Variants in FOXP1 observed in about 807,000 individuals in gnomAD.
The protein encoded by FOXP1 is forkhead box protein P1.
A neutral mutation model predicts 98.2 loss-of-function variants in FOXP1; 15 were observed. The observed-to-expected ratio is 0.15, with a 90% CI of 0.10 to 0.24. The LOEUF (loss-of-function observed/expected upper bound fraction) is 0.24. Ranked by LOEUF, FOXP1 falls within the 10% of genes least tolerant of loss-of-function variation. The probability of loss-of-function intolerance (pLI) is 1.00; values close to 1 mark genes in which losing one functional copy is unlikely to be tolerated. For missense variants in FOXP1, 633 were observed against 848.5 expected (o/e 0.75, Z 3.15); for synonymous variants, 371 against 314.5 (o/e 1.18, Z -1.90).
intron 5 of FOXP1, among the ~76,000 whole-genome samples, chr3:71,247,967 C>T (rs1319486022): frequency 2.0e-5 from 3 of 152,196 alleles, no homozygotes; most frequent in African/African-American, 7.2e-5. Context: ...ATGAATCGGG[C>T]TTGCCTCCAC....
chr3:71,581,255 T>A (rs1041500686), intron 2 of FOXP1: 35 of 984,426 alleles, frequency 3.6e-5, no homozygotes, highest in Non-Finnish European at 4.1e-5. Context: ...GGGAGTGGGG[T>A]GAGAAGGGGG....
chr3:71,429,829 T>C (rs541261284), intron 3 of FOXP1, among the ~76,000 whole-genome samples: 1 of 152,374 alleles, frequency 6.6e-6, no homozygotes, highest in African/African-American at 2.4e-5. Flanking sequence ...GTGGCTTTTT[T>C]CATTCACTTT....
Position 70,959,244 on chromosome 3 carries a change from T to C in FOXP1, c.*3A>G, listed in dbSNP as rs200060909. The stretch of plus-strand genomic sequence containing the variant: ...CATTCTCGGGGTTGGCCCGCCCCGA[T>C]AGTCACTCCATGTCCTCGTTTACTG... On this transcript the variant is annotated 3_prime_UTR_variant, in exon 21 of 21. Transcript: ENST00000649528. 8.1e-6 allele frequency: 13 copies of C among 1,613,748 alleles called. No individual in the cohort carries two copies. Among genetic ancestry groups the C allele is most frequent in the Middle Eastern group, 1.6e-4 (1 of 6,062 alleles).
At chr3:71,557,036 G>A (rs962938442) in intron 2 of FOXP1, among the ~76,000 whole-genome samples, 1 of 152,006 alleles carries the variant, frequency 6.6e-6, no homozygotes, top group Non-Finnish European at 1.5e-5. Flanking sequence ...AAAATGAGCA[G>A]GAAACAAAAC....
chr3:71,560,201 A>G lies in FOXP1; in HGVS notation c.-298+21348T>C, dbSNP rs149543484. Among the ~76,000 whole-genome samples the G allele has an allele frequency of 3.0e-4, 45 of 152,250 alleles. 1 individual carries two copies. In the East Asian group the frequency reaches 8.5e-3, roughly 29 times the overall value. The stretch of plus-strand genomic sequence containing the variant: ...AGAAGAAAAAATAACGGTGCTCCAT[A>G]ATGTTTTCGCATCATTATTGTCACC... On this transcript the variant is annotated intron_variant, in intron 2 of 20. Coordinates refer to ENST00000649528, the MANE Select transcript of FOXP1 (RefSeq NM_001349338.3).
intron 2 of FOXP1, among the ~76,000 whole-genome samples, chr3:71,580,064 T>A (rs1269031442): frequency 6.6e-6 from 1 of 151,918 alleles, no homozygotes; most frequent in Non-Finnish European, 1.5e-5. Context: ...GGGTTCTCCG[T>A]GTAGCAGCTC....
intron 5 of FOXP1, among the ~76,000 whole-genome samples, chr3:71,294,215 G>A (rs1445050826): frequency 6.6e-6 from 1 of 152,210 alleles, no homozygotes; most frequent in African/African-American, 2.4e-5. Flanking sequence ...AACACATTAA[G>A]AACTATTGAA....
At chr3:71,253,556 T>A (rs2068392341) in intron 5 of FOXP1, among the ~76,000 whole-genome samples, 1 of 152,218 alleles carries the variant, frequency 6.6e-6, no homozygotes, top group Non-Finnish European at 1.5e-5. Context: ...ATGAAGTATG[T>A]AACCCAGTAC....
intron 7 of FOXP1, among the ~76,000 whole-genome samples, chr3:71,106,773 A>AT (rs59989388): frequency 2.2e-5 from 3 of 136,950 alleles, no homozygotes; most frequent in African/African-American, 5.5e-5. Flanking sequence ...TCAAATAGGG[A>AT]TTTTTTTTTT....
chr3:71,110,819 T>C (rs1410736441), intron 7 of FOXP1, among the ~76,000 whole-genome samples: 1 of 152,214 alleles, frequency 6.6e-6, no homozygotes, highest in African/African-American at 2.4e-5. Flanking sequence ...TCTTAAGACA[T>C]CTGCACAACA....
rs1220683506 is a variant in FOXP1, at chr3:70,959,154, C to T, written c.*93G>A. On this transcript the variant is annotated 3_prime_UTR_variant, in exon 21 of 21. Coordinates refer to ENST00000649528, the MANE Select transcript of FOXP1 (RefSeq NM_001349338.3). ...AGTGAAAATCCTCCAGACTGTACAA[C>T]AAATGGAGAACAATTTCACTGCTAA... 2 of 1,459,666 alleles carry T rather than the reference C, an allele frequency of 1.4e-6. No individual in the cohort carries two copies. The highest frequency in any genetic ancestry group is 1.9e-6 in the Non-Finnish European group (2 of 1,046,622). The allele number at this position is 1,459,666 out of a possible 1,614,324, so 90.4% of individuals were successfully genotyped here.
intron 4 of FOXP1, among the ~76,000 whole-genome samples, chr3:71,303,797 G>A (rs908645254): frequency 7.9e-5 from 12 of 151,674 alleles, no homozygotes; most frequent in Middle Eastern, 3.4e-3. Flanking sequence ...AAATAAAAAC[G>A]GAAAAAGGGG....
chr3:71,374,600 A>AT lies in FOXP1; in HGVS notation c.-167-15357_-167-15356insA, dbSNP rs1049929363. ...ACAGCAAGAGACTCTGTCTCAAAAA[A>AT]AAAAATAAAAATAAAAATATCTGTC... On this transcript the variant is annotated intron_variant, in intron 3 of 20. Transcript: ENST00000649528. Among the ~76,000 whole-genome samples the AT allele has an allele frequency of 1.1e-4, 15 of 141,496 alleles. 1 individual carries two copies. In the South Asian group the frequency reaches 1.1e-3, roughly 10 times the overall value. 92.8% of individuals were successfully genotyped at this position (141,496 alleles called of 152,430 possible). A position where few individuals can be genotyped will look rare whatever the true frequency, so the allele number is the denominator to read the frequency against.
intron 5 of FOXP1, among the ~76,000 whole-genome samples, chr3:71,238,596 A>G (rs2066993409): frequency 6.6e-6 from 1 of 152,240 alleles, no homozygotes; most frequent in Non-Finnish European, 1.5e-5. Context: ...CATGGAAAAG[A>G]TTAGAATAAC....
chr3:71,513,456 G>C (rs985371305), intron 2 of FOXP1, among the ~76,000 whole-genome samples: 1 of 151,986 alleles, frequency 6.6e-6, no homozygotes, highest in African/African-American at 2.4e-5. Flanking sequence ...CAACTTCCTG[G>C]TCACAGCCAC....
intron 4 of FOXP1, among the ~76,000 whole-genome samples, chr3:71,338,151 A>G (rs905731451): frequency 6.6e-6 from 1 of 152,226 alleles, no homozygotes; most frequent in African/African-American, 2.4e-5. Flanking sequence ...ATGGGAGGCT[A>G]TATGTTCACA....
intron 3 of FOXP1, among the ~76,000 whole-genome samples, chr3:71,464,916 C>G (rs2088533877): frequency 6.6e-6 from 1 of 152,180 alleles, no homozygotes; most frequent in African/African-American, 2.4e-5. Flanking sequence ...ACATCTAACC[C>G]TTAGTTTCCT....
chr3:71,550,793 A>T (rs1424000462), intron 2 of FOXP1, among the ~76,000 whole-genome samples: 1 of 152,188 alleles, frequency 6.6e-6, no homozygotes. Flanking sequence ...AGCTATTTAC[A>T]TTTATCATAT....
At chr3:71,312,407 C>T (rs566353661) in intron 4 of FOXP1, among the ~76,000 whole-genome samples, 6 of 152,240 alleles carry the variant, frequency 3.9e-5, no homozygotes, top group East Asian at 3.9e-4. Context: ...GTGTTCACTA[C>T]GAAGAATTCA....
Sources: allele counts gnomAD v4.1 joint callset (sites outside exome capture counted in the v4.1 genomes callset), GRCh38; gene constraint gnomAD v4.1.1; transcripts MANE v1.5; gene names NCBI Gene and HGNC (gene_info 2026-07-23, HGNC 2026-07-21).